The following NHS variants were observed in gnomAD, a reference collection of about 807,000 sequenced individuals.
NHS encodes the protein actin remodeling regulator NHS.
A neutral mutation model predicts 72.5 loss-of-function variants in NHS; 5 were observed. The ratio of observed to expected loss-of-function variants is 0.07; its 90% CI spans 0.04 to 0.14. The LOEUF is 0.14. Ranked by LOEUF, NHS falls within the 10% of genes least tolerant of loss-of-function variation. The pLI is 1.00. For missense variants in NHS, 1,072 were observed against 1,355.7 expected (o/e 0.79, Z 3.29); for synonymous variants, 464 against 547.7 (o/e 0.85, Z 2.13).
At position 17,733,342 on chromosome X, in the gene NHS, A is replaced by C. The variant is rs1284099795; in HGVS notation, c.*878A>C. On this transcript the variant is annotated 3_prime_UTR_variant, in exon 9 of 9. Coordinates refer to ENST00000676302, the MANE Select transcript of NHS (RefSeq NM_001291867.2). ...TGAGAGAAGTCATCATTCTCAACACAAAGCCCTGAACAACAGCATTTGACA... is the reference window on the plus strand; with the variant it reads ...TGAGAGAAGTCATCATTCTCAACACCAAGCCCTGAACAACAGCATTTGACA... 8.9e-6 allele frequency: 1 copy of C among 112,021 alleles called. No individual in the cohort carries two copies. The highest frequency in any genetic ancestry group is 2.8e-4 in the East Asian group (1 of 3,602). The allele number at this position is 112,021 out of a possible 1,213,427, so 9.2% of individuals were successfully genotyped here. A position where few individuals can be genotyped will look rare whatever the true frequency, so the allele number is the denominator to read the frequency against.
chrX:17,719,101 GGGAAGGAAGGAA>G (rs1569316951), intron 3 of NHS, among the ~76,000 whole-genome samples: 1 of 98,422 alleles, frequency 1.0e-5, no homozygotes, highest in Non-Finnish European at 2.0e-5. Context: ...AAAGGAAAGA[GGGAAGGAAGGAA>G]AGAAGGAAGA....
intron 1 of NHS, among the ~76,000 whole-genome samples, chrX:17,443,798 T>G (rs904949623): frequency 7.1e-5 from 8 of 112,193 alleles, no homozygotes; most frequent in African/African-American, 2.3e-4. Context: ...AATCTTAATA[T>G]AAATTGGATC....
intron 1 of NHS, among the ~76,000 whole-genome samples, chrX:17,518,949 A>G (rs1200324083): frequency 8.9e-6 from 1 of 112,049 alleles, no homozygotes. Context: ...GCTTTTGCCC[A>G]AGTTACTGTA....
At position 17,721,620 on chromosome X, in the gene NHS, C is replaced by A; in HGVS notation, c.1095C>A (p.Pro365=). Residue 365 remains proline (P), a synonymous_variant, in exon 5 of 9, where the codon CCC becomes CCA. Coordinates refer to ENST00000676302, the MANE Select transcript of NHS (RefSeq NM_001291867.2). The part of the protein sequence containing the change: ...DAQVISSCII[P]INVTGVGFDR... ...AAGTGATTTCTTCTTGCATTATTCC[C>A]ATCAATGTTACTGGTATCGTTCTGG... 8.3e-7 allele frequency: 1 copy of A among 1,209,104 alleles called. No individual in the cohort carries two copies. Among genetic ancestry groups the A allele is most frequent in the South Asian group, 1.8e-5 (1 of 56,685 alleles).
intron 4 of NHS, among the ~76,000 whole-genome samples, chrX:17,720,268 C>CA (rs1308285694): frequency 8.9e-6 from 1 of 111,745 alleles, no homozygotes; most frequent in Non-Finnish European, 1.9e-5. Flanking sequence ...GCATTGGAAT[C>CA]AGCTCTTTAA....
intron 1 of NHS, among the ~76,000 whole-genome samples, chrX:17,599,727 A>G (rs2065640365): frequency 9.0e-6 from 1 of 111,657 alleles, no homozygotes; most frequent in African/African-American, 3.3e-5. Flanking sequence ...ATTAGATAAC[A>G]GTTTGCCAGT....
chrX:17,561,580 A>G lies in NHS; in HGVS notation c.566-126162A>G, dbSNP rs868299172. 6.3e-3 allele frequency among the ~76,000 whole-genome samples: 518 copies of G among 82,263 alleles called. 3 individuals are homozygous for G. Among genetic ancestry groups the G allele is most frequent in the East Asian group, 0.011 (19 of 1,662 alleles). The allele number at this position is 82,263 out of a possible 115,157, so 71.4% of individuals were successfully genotyped here. A position where few individuals can be genotyped will look rare whatever the true frequency, so the allele number is the denominator to read the frequency against. Reference sequence around the variant, plus strand: ...CATGCGCGCGCGCGCGCGCGCACACACACACACACACACACACACACACAC... The same window carrying G: ...CATGCGCGCGCGCGCGCGCGCACACGCACACACACACACACACACACACAC... On this transcript the variant is annotated intron_variant, in intron 1 of 8. Coordinates refer to ENST00000676302, the MANE Select transcript of NHS (RefSeq NM_001291867.2).
intron 1 of NHS, among the ~76,000 whole-genome samples, chrX:17,432,643 T>C (rs2064699140): frequency 8.9e-6 from 1 of 112,458 alleles, no homozygotes. Flanking sequence ...GTCAATTGTT[T>C]TGGTATTTCC....
At chrX:17,533,372 G>A (rs770512104) in intron 1 of NHS, among the ~76,000 whole-genome samples, 5 of 111,329 alleles carry the variant, frequency 4.5e-5, no homozygotes, top group Admixed American at 1.9e-4. Context: ...CTGTAGCCTC[G>A]ACCTCCCAGG....
chrX:17,543,533 C>T (rs55756983), intron 1 of NHS, among the ~76,000 whole-genome samples: 1,545 of 111,984 alleles, frequency 0.014, 14 homozygotes, highest in Non-Finnish European at 0.018. Flanking sequence ...GGAAGGCAGA[C>T]GGAGCTGATG....
chrX:17,458,319 C>A (rs1464563637), intron 1 of NHS, among the ~76,000 whole-genome samples: 1 of 111,882 alleles, frequency 8.9e-6, no homozygotes, highest in Middle Eastern at 4.2e-3. Context: ...CCTCCGCCCC[C>A]TGGGGTTCAA....
intron 1 of NHS, among the ~76,000 whole-genome samples, chrX:17,556,741 T>C (rs1207942391): frequency 5.4e-5 from 6 of 112,041 alleles, no homozygotes; most frequent in Non-Finnish European, 1.1e-4. Context: ...ATAATTACCA[T>C]CAGTAGCATT....
At chrX:17,442,030 A>G (rs2064757731) in intron 1 of NHS, among the ~76,000 whole-genome samples, 1 of 112,121 alleles carries the variant, frequency 8.9e-6, no homozygotes, top group Non-Finnish European at 1.9e-5. Flanking sequence ...AGGCCTGAGA[A>G]TTTGCATTAG....
intron 1 of NHS, among the ~76,000 whole-genome samples, chrX:17,502,515 C>T (rs1482302802): frequency 1.9e-5 from 1 of 51,341 alleles, no homozygotes; most frequent in Non-Finnish European, 4.6e-5. Context: ...GTTGGCCGGG[C>T]GCGGTGGCTC....
rs866063430 is a variant in NHS, at chrX:17,725,538, C to T, written c.1432C>T (p.His478Tyr). 1 of 1,211,825 alleles carries T rather than the reference C, an allele frequency of 8.3e-7. No individual in the cohort carries two copies. Among genetic ancestry groups the T allele is most frequent in the South Asian group, 1.8e-5 (1 of 56,968 alleles). ...TCAAAGCATTGCAGCTTCCCTTTCTCATTCTGCTGGCAACATTTCTGCCCT... is the reference window on the plus strand; with the variant it reads ...TCAAAGCATTGCAGCTTCCCTTTCTTATTCTGCTGGCAACATTTCTGCCCT... ...RGQSIAASLS[H>Y]SAGNISALAD... The change falls in exon 7 of 9, where the codon CAT (histidine) becomes TAT (tyrosine). Residue 478 changes from histidine to tyrosine, a missense_variant. Coordinates refer to ENST00000676302, the MANE Select transcript of NHS (RefSeq NM_001291867.2).
intron 1 of NHS, among the ~76,000 whole-genome samples, chrX:17,648,270 G>C (rs997972763): frequency 3.6e-5 from 4 of 111,673 alleles, no homozygotes; most frequent in African/African-American, 1.3e-4. Flanking sequence ...AGACCAAGAT[G>C]GGGGTAGGGG....
At chrX:17,523,017 G>C (rs2065157646) in intron 1 of NHS, among the ~76,000 whole-genome samples, 1 of 107,626 alleles carries the variant, frequency 9.3e-6, no homozygotes, top group Admixed American at 9.8e-5. Flanking sequence ...CACTTGCTAG[G>C]AAAAAAAAAA....
chrX:17,674,313 G>A (rs1049021728), intron 1 of NHS, among the ~76,000 whole-genome samples: 2 of 112,126 alleles, frequency 1.8e-5, no homozygotes, highest in African/African-American at 6.5e-5. Context: ...GAGAAGAGAA[G>A]CACAAAATGC....
intron 1 of NHS, among the ~76,000 whole-genome samples, chrX:17,379,863 G>A (rs957828925): frequency 1.8e-5 from 2 of 112,002 alleles, no homozygotes; most frequent in African/African-American, 6.5e-5. Context: ...ATTTTCTTGT[G>A]GAGGGAATGG....
Sources: allele counts gnomAD v4.1 joint callset (sites outside exome capture counted in the v4.1 genomes callset), GRCh38; gene constraint gnomAD v4.1.1; transcripts MANE v1.5; gene names NCBI Gene and HGNC (gene_info 2026-07-23, HGNC 2026-07-21).